Variants in TMEM144 observed in about 807,000 individuals in gnomAD.
TMEM144 encodes transmembrane protein 144.
Under a neutral mutation model 43.6 loss-of-function variants are expected in TMEM144, and 39 were observed. That is an observed-to-expected ratio of 0.90 (90% confidence interval 0.69 to 1.17). The LOEUF (loss-of-function observed/expected upper bound fraction) is 1.17, where lower values mean the gene tolerates loss of function less well. Ranked by LOEUF, TMEM144 falls within the 50% of genes most tolerant of loss-of-function variation. TMEM144 has a pLI of 0.00. For missense variants in TMEM144, 417 were observed against 411.9 expected, an observed-to-expected ratio of 1.01 and a Z score of -0.11; for synonymous variants, 154 against 133.6, an observed-to-expected ratio of 1.15 and a Z score of -1.06.
rs1248179053 is a variant in TMEM144 at position 158,212,794 on chromosome 4, AT to A, written c.109+20del. ...TGGTGATGGTAATTATTTTTCCTTGATTGTTAACGTTATATTATTTTTAAAA... is the reference window on the plus strand; with the variant it reads ...TGGTGATGGTAATTATTTTTCCTTGATGTTAACGTTATATTATTTTTAAAA... On this transcript the variant is annotated intron_variant, in intron 3 of 12. Transcript: ENST00000296529. 1.9e-6 allele frequency: 3 copies of A among 1,553,312 alleles called. No homozygotes were observed. The highest frequency in any genetic ancestry group is 1.4e-5 in the African/African-American group (1 of 73,610).
chr4:158,246,349 A>C (rs1386166914), intron 12 of TMEM144, among the ~76,000 whole-genome samples: 4 of 152,208 alleles, frequency 2.6e-5, no homozygotes, highest in Non-Finnish European at 4.4e-5. Context: ...GATGTTGCTA[A>C]TCTCTAACAA....
At position 158,253,551 on chromosome 4, in the gene TMEM144, A is replaced by G; in HGVS notation, c.*24A>G. ...AACAATGACAAAACCAGCAGGTGGC[A>G]GCAGTAGTTAAGAGAACGCGTCTAT... On this transcript the variant is annotated 3_prime_UTR_variant, in exon 13 of 13. Coordinates refer to ENST00000296529, the MANE Select transcript of TMEM144 (RefSeq NM_018342.5). 1.9e-6 allele frequency: 3 copies of G among 1,592,976 alleles called. No homozygotes were observed. Among genetic ancestry groups the G allele is most frequent in the Non-Finnish European group, 2.6e-6 (3 of 1,161,580 alleles).
chr4:158,229,958 C>T (rs1051534512), intron 6 of TMEM144, among the ~76,000 whole-genome samples: 5 of 47,964 alleles, frequency 1.0e-4, no homozygotes, highest in African/African-American at 1.9e-4. Flanking sequence ...GCTGCTGCCC[C>T]TTCCCCAAGG....
intron 7 of TMEM144, 38 bp from the exon 8 acceptor site, chr4:158,235,400 T>C (rs1735287800): frequency 6.2e-7 from 1 of 1,601,514 alleles, no homozygotes; most frequent in Non-Finnish European, 8.5e-7. Flanking sequence ...ATCAATTGAA[T>C]GTTCTTTTGT....
At chr4:158,247,001 T>C (rs944965612) in intron 12 of TMEM144, among the ~76,000 whole-genome samples, 6 of 152,070 alleles carry the variant, frequency 3.9e-5, no homozygotes, top group South Asian at 4.2e-4. Flanking sequence ...TTTTGTTTTG[T>C]TTTTGGTAAA....
chr4:158,211,956 G>A (rs1733979490), intron 2 of TMEM144: 1 of 152,170 alleles, frequency 6.6e-6, no homozygotes, highest in South Asian at 2.1e-4. Flanking sequence ...AAGGAAAGGT[G>A]ATTTCAGGTG....
At chr4:158,231,136 G>A (rs1735059658) in intron 6 of TMEM144, among the ~76,000 whole-genome samples, 1 of 152,158 alleles carries the variant, frequency 6.6e-6, no homozygotes, top group South Asian at 2.1e-4. Context: ...TCTAGACAAG[G>A]TAGGTCAGAG....
At chr4:158,237,704 TG>T in intron 9 of TMEM144, 61 bp downstream of exon 9, 1 of 1,163,344 alleles carries the variant, frequency 8.6e-7, no homozygotes, top group Non-Finnish European at 1.2e-6. Context: ...TAAAAAGAAT[TG>T]TGATAATAGT....
intron 7 of TMEM144, chr4:158,234,110 A>G (rs1056079257): frequency 2.0e-5 from 3 of 152,262 alleles, no homozygotes; most frequent in African/African-American, 7.2e-5. Flanking sequence ...GTACAGAACC[A>G]TGCATCATGA....
rs1329867506 is a variant in TMEM144, at chr4:158,212,703, C to T, written c.36C>T (p.Tyr12=). 1 of 1,613,732 alleles carries T rather than the reference C, an allele frequency of 6.2e-7. No individual in the cohort carries two copies. The highest frequency in any genetic ancestry group is 2.2e-5 in the East Asian group (1 of 44,812). The change falls in exon 3 of 13, where the codon TAC becomes TAT. Residue 12 remains tyrosine (Y), a synonymous_variant. Coordinates refer to ENST00000296529, the MANE Select transcript of TMEM144 (RefSeq NM_018342.5). ...SNNGADLTFG[Y]ISCFVAILLF... ...ATGGAGCAGACCTAACCTTTGGTTA[C>T]ATCTCCTGTTTTGTAGCTATCCTTT...
rs761684485 is a variant in TMEM144, at chr4:158,241,485, A to C, written c.803-24A>C. On this transcript the variant is annotated intron_variant, in intron 10 of 12. Coordinates refer to ENST00000296529, the MANE Select transcript of TMEM144 (RefSeq NM_018342.5). Reference sequence around the variant, plus strand: ...TTCAGGAGGGGAACATGGTCTGCAAATGTGTGTTGTCTTTGTATTTCAGGA... The same window carrying C: ...TTCAGGAGGGGAACATGGTCTGCAACTGTGTGTTGTCTTTGTATTTCAGGA... 8.2e-6 allele frequency: 13 copies of C among 1,590,560 alleles called. 1 individual carries two copies. The East Asian group carries it at 2.7e-4, about 33-fold the overall frequency.
chr4:158,238,518 CT>C (rs1393009768), intron 9 of TMEM144, among the ~76,000 whole-genome samples: 2 of 152,206 alleles, frequency 1.3e-5, no homozygotes, highest in East Asian at 1.9e-4. Context: ...TATACAAATA[CT>C]TTTTTGCATT....
chr4:158,240,120 C>T (rs1321545589), intron 9 of TMEM144, among the ~76,000 whole-genome samples, 179 bp from the exon 10 acceptor site: 5 of 152,082 alleles, frequency 3.3e-5, no homozygotes, highest in African/African-American at 1.2e-4. Flanking sequence ...CTCCTGACCT[C>T]GTGATCCACC....
chr4:158,210,505 C>G lies in TMEM144; in HGVS notation c.-264C>G, dbSNP rs538858329. On this transcript the variant is annotated 5_prime_UTR_variant, in exon 1 of 13. Transcript: ENST00000296529. ...CAGCACGTAGAGGGAATGAGTCAGG[C>G]TCCGGCTCCACACTGGCACGTAGTG... 1.1e-3 allele frequency: 163 copies of G among 152,508 alleles called. No individual in the cohort carries two copies. The highest frequency in any genetic ancestry group is 2.1e-3 in the Non-Finnish European group (142 of 68,170). The allele number at this position is 152,508 out of a possible 1,614,324, so 9.4% of individuals were successfully genotyped here.
At chr4:158,247,922 CA>C (rs144376928) in intron 12 of TMEM144, among the ~76,000 whole-genome samples, 2,817 of 78,528 alleles carry the variant, frequency 0.036, 25 homozygotes, top group African/African-American at 0.053. Context: ...TAAAAATAGG[CA>C]AAAAAAAAAA....
At position 158,237,597 on chromosome 4, in the gene TMEM144, C is replaced by A. The variant is rs753995588; in HGVS notation, c.636C>A (p.Asp212Glu). ...STFVPIIYIK[D>E]HSKRNDSIYA... ...TTGTGCCAATCATCTACATCAAGGA[C>A]CACAGCAAAAGAAATGATAGTATAT... is the stretch of plus-strand genomic sequence containing the variant. Residue 212 changes from aspartate to glutamate, a missense_variant, in exon 9 of 13, where the codon GAC (aspartate) becomes GAA (glutamate). Physicochemically the swap from Asp to Glu is conservative, Grantham distance 45. Transcript: ENST00000296529. The A allele has an allele frequency of 1.2e-6, 2 of 1,613,752 alleles. No individual in the cohort carries two copies. The highest frequency in any genetic ancestry group is 1.7e-6 in the Non-Finnish European group (2 of 1,179,844).
intron 11 of TMEM144, 92 bp from the exon 12 acceptor site, chr4:158,244,202 AAT>A: frequency 1.2e-6 from 1 of 866,590 alleles, no homozygotes; most frequent in South Asian, 2.8e-5. Flanking sequence ...TTTCCCTGAA[AAT>A]ATGTTTATAC....
At chr4:158,235,252 A>G (rs189962257) in intron 7 of TMEM144, 186 bp from the exon 8 acceptor site, 441 of 545,186 alleles carry the variant, frequency 8.1e-4, no homozygotes, top group South Asian at 2.1e-3. Context: ...CTGCCAAGTC[A>G]TCCTAAATGA....
chr4:158,250,254 C>G (rs1050030889), intron 12 of TMEM144, among the ~76,000 whole-genome samples: 5 of 144,664 alleles, frequency 3.5e-5, no homozygotes, highest in Non-Finnish European at 6.1e-5. Flanking sequence ...TAGCATTAAT[C>G]TTACGAACTA....
Sources: gnomAD v4.1 joint callset for allele counts (sites outside exome capture counted in the v4.1 genomes callset) on GRCh38, gnomAD v4.1.1 for gene constraint, MANE v1.5 for transcripts, NCBI Gene and HGNC (gene_info 2026-07-23, HGNC 2026-07-21) for gene names.